The following USF3 variants were observed in gnomAD, a reference collection of about 807,000 sequenced individuals.
The protein encoded by USF3 is basic helix-loop-helix domain-containing protein USF3.
Under a neutral mutation model 157.5 loss-of-function variants are expected in USF3, and 29 were observed. That is an observed-to-expected ratio of 0.18 (90% CI 0.14 to 0.25). The LOEUF is 0.25. Ranked by LOEUF, USF3 falls within the 10% of genes least tolerant of loss-of-function variation. The pLI is 1.00. For missense variants in USF3, 2,381 were observed against 2,667.6 expected, an observed-to-expected ratio of 0.89 and a Z score of 2.37; for synonymous variants, 893 against 941.4, an observed-to-expected ratio of 0.95 and a Z score of 0.94.
chr3:113,658,602 T>C lies in USF3; in HGVS notation c.3080A>G (p.Asp1027Gly), dbSNP rs1947413964. 1 of 1,613,484 alleles carries C rather than the reference T, an allele frequency of 6.2e-7. No homozygotes were observed. ...ATTTTCTGAAGAAAAGTCAGGATGA[T>C]CCATCTGATCAGAAAGAGATGATTT... ...PQKSSLSDQM[D>G]HPDFSSENPK... Residue 1027 changes from aspartate to glycine, a missense_variant, in exon 7 of 7, where the codon GAT (aspartate) becomes GGT (glycine). Physicochemically the swap from Asp to Gly is moderately conservative, Grantham distance 94. This residue lies in a region of USF3 where 1,435 missense variants were observed against 1,550.9 expected (regional missense o/e 0.93). Transcript: ENST00000316407.
intron 1 of USF3, among the ~76,000 whole-genome samples, chr3:113,687,853 T>C (rs990913400): frequency 6.6e-6 from 1 of 152,230 alleles, no homozygotes; most frequent in Admixed American, 6.5e-5. Flanking sequence ...GCACAATACA[T>C]GCACAATGTG....
Position 113,660,983 on chromosome 3 carries a change from A to G in USF3, c.699T>C (p.Ala233=). 1 of 1,614,166 alleles carries G rather than the reference A, an allele frequency of 6.2e-7. No homozygotes were observed. Among genetic ancestry groups the G allele is most frequent in the Non-Finnish European group, 8.5e-7 (1 of 1,180,032 alleles). The change falls in exon 7 of 7, where the codon GCT becomes GCC. Residue 233 remains alanine, a synonymous_variant. Transcript: ENST00000316407. The part of the protein sequence containing the change: ...VPLCLPAAIS[A]QSILELPTSE... ...AGGTGGGAAGCTCGAGAATACTCTG[A>G]GCAGAAATGGCAGCAGGAAGACAAA...
At chr3:113,665,511 T>C (rs770291803) in intron 5 of USF3, among the ~76,000 whole-genome samples, 2 of 152,234 alleles carry the variant, frequency 1.3e-5, no homozygotes, top group Non-Finnish European at 2.9e-5. Flanking sequence ...GTCCAATACA[T>C]GCCTATATAC....
intron 5 of USF3, among the ~76,000 whole-genome samples, chr3:113,667,027 A>G (rs762718211): frequency 7.2e-5 from 11 of 152,146 alleles, no homozygotes; most frequent in Non-Finnish European, 1.6e-4. Flanking sequence ...CCTCTACTCC[A>G]GGATATATAT....
intron 5 of USF3, among the ~76,000 whole-genome samples, chr3:113,666,555 T>G (rs1947571212): frequency 7.1e-6 from 1 of 140,700 alleles, no homozygotes; most frequent in African/African-American, 2.6e-5. Context: ...GCCTGGCCCC[T>G]ACTTATTGTT....
In USF3 at chr3:113,679,042, C is replaced by CTCTCT. The variant is rs1361472294; in HGVS notation, c.-134-1646_-134-1645insAGAGA. Reference sequence around the variant, plus strand: ...CTCTCTCTCTCTCTCTCTCTCTCTCCAACTCCTGGCCTCAAGCGATCCTCC... The same window carrying CTCTCT: ...CTCTCTCTCTCTCTCTCTCTCTCTCCTCTCTAACTCCTGGCCTCAAGCGATCCTCC... On this transcript the variant is annotated intron_variant, in intron 1 of 6. Coordinates refer to ENST00000316407, the MANE Select transcript of USF3 (RefSeq NM_001009899.4). Among the ~76,000 whole-genome samples the CTCTCT allele has an allele frequency of 3.6e-3, 387 of 107,750 alleles. 1 individual carries two copies. The highest frequency in any genetic ancestry group is 6.5e-3 in the Non-Finnish European group (303 of 46,410). The allele number at this position is 107,750 out of a possible 152,430, so 70.7% of individuals were successfully genotyped here.
At chr3:113,685,440 G>C (rs919272360) in intron 1 of USF3, among the ~76,000 whole-genome samples, 1 of 152,152 alleles carries the variant, frequency 6.6e-6, no homozygotes. Context: ...CTTCAGGGTC[G>C]TGGGTTCCAT....
rs202143028 is a variant in USF3 at position 113,655,184 on chromosome 3, T to C, written c.6498A>G (p.Gln2166=). 6.8e-6 allele frequency: 11 copies of C among 1,614,200 alleles called. No individual in the cohort carries two copies. The South Asian group carries it at 8.8e-5, about 13-fold the overall frequency. ...TATCTGGGAGAAGAGGAAAACTTGG[T>C]TGAGCAAACCCAACAGGTCTGGGAG... is the stretch of plus-strand genomic sequence containing the variant. ...LSPPRPVGFA[Q]PSFPLLPDMP... is the part of the protein sequence containing the mutation. The change falls in exon 7 of 7, where the codon CAA becomes CAG. Residue 2166 remains glutamine, a synonymous_variant. Coordinates refer to ENST00000316407, the MANE Select transcript of USF3 (RefSeq NM_001009899.4).
chr3:113,675,142 TG>T (rs1707247685), intron 2 of USF3, among the ~76,000 whole-genome samples: 1 of 152,160 alleles, frequency 6.6e-6, no homozygotes, highest in African/African-American at 2.4e-5. Flanking sequence ...TGAGAAAATT[TG>T]AGTAGAAAAA....
Position 113,658,934 on chromosome 3 carries a change from T to A in USF3, c.2748A>T (p.Leu916=). 1 of 1,614,194 alleles carries A rather than the reference T, an allele frequency of 6.2e-7. No homozygotes were observed. Among genetic ancestry groups the A allele is most frequent in the Admixed American group, 1.7e-5 (1 of 60,016 alleles). ...AAKSKDSTPN[L]QQETSQDKPP... ...GTTTATCCTGAGATGTCTCTTGTTG[T>A]AGATTAGGGGTAGAATCTTTGGATT... The change falls in exon 7 of 7, where the codon CTA becomes CTT. Residue 916 remains leucine (L), a synonymous_variant. Coordinates refer to ENST00000316407, the MANE Select transcript of USF3 (RefSeq NM_001009899.4).
chr3:113,667,755 T>C (rs1312231423), intron 5 of USF3, among the ~76,000 whole-genome samples: 1 of 152,062 alleles, frequency 6.6e-6, no homozygotes, highest in Admixed American at 6.5e-5. Flanking sequence ...TAATCCTAGC[T>C]ACTCAGGAGG....
In USF3 at chr3:113,657,458, A is replaced by AT; in HGVS notation, c.4223_4224insA (p.Phe1408LeufsTer10). The AT allele has an allele frequency of 6.2e-7, 1 of 1,614,164 alleles. No individual in the cohort carries two copies. On this transcript the variant is annotated frameshift_variant, in exon 7 of 7. Coordinates refer to ENST00000316407, the MANE Select transcript of USF3 (RefSeq NM_001009899.4). LOFTEE classifies it high-confidence loss of function. ...CAGTTTGCCTCAATGCAGGAGTCAC[A>AT]AAGTTGTTACTAGGTGGAAATAATC...
At chr3:113,662,813 A>C (rs1947507523) in intron 6 of USF3, among the ~76,000 whole-genome samples, 2 of 152,216 alleles carry the variant, frequency 1.3e-5, no homozygotes, top group South Asian at 4.2e-4. Flanking sequence ...TCCTCATAAG[A>C]ACCATGAGAT....
rs367562922 is a variant in USF3, at chr3:113,670,101, G to A, written c.159+20C>T. 9 of 1,504,666 alleles carry A rather than the reference G, an allele frequency of 6.0e-6. No individual in the cohort carries two copies. The highest frequency in any genetic ancestry group is 1.1e-5 in the South Asian group (1 of 88,940). The allele number at this position is 1,504,666 out of a possible 1,614,324, so 93.2% of individuals were successfully genotyped here. A position where few individuals can be genotyped will look rare whatever the true frequency, so the allele number is the denominator to read the frequency against. ...TGTCTGTTCATAAGTAATGAATGAA[G>A]ATATGAGTAGACTTCTTACCTGCTT... On this transcript the variant is annotated intron_variant, in intron 5 of 6. Coordinates refer to ENST00000316407, the MANE Select transcript of USF3 (RefSeq NM_001009899.4).
In USF3 at chr3:113,657,320, A is replaced by G. The variant is rs763570815; in HGVS notation, c.4362T>C (p.His1454=). 4 of 1,613,746 alleles carry G rather than the reference A, an allele frequency of 2.5e-6. No homozygotes were observed. The highest frequency in any genetic ancestry group is 3.4e-6 in the Non-Finnish European group (4 of 1,179,812). The part of the protein sequence containing the change: ...HVPAQGVSHL[H]SNHLYIKQQQ... Reference sequence around the variant, plus strand: ...GCTGCTTTATGTAGAGATGGTTACTATGAAGGTGAGATACACCTTGAGCTG... The same window carrying G: ...GCTGCTTTATGTAGAGATGGTTACTGTGAAGGTGAGATACACCTTGAGCTG... The change falls in exon 7 of 7, where the codon CAT becomes CAC. Residue 1454 remains histidine, a synonymous_variant. Transcript: ENST00000316407.
At chr3:113,671,923 C>CT (rs1048642270) in intron 4 of USF3, among the ~76,000 whole-genome samples, 4 of 151,760 alleles carry the variant, frequency 2.6e-5, no homozygotes, top group African/African-American at 9.7e-5. Context: ...CATGCACTAC[C>CT]ATGCCTGGCT....
rs1947290577 is a variant in USF3, at chr3:113,652,962, TG to T, written c.*1981del. The T allele has an allele frequency of 9.3e-7, 1 of 1,077,132 alleles. No individual in the cohort carries two copies. The highest frequency in any genetic ancestry group is 1.7e-5 in the African/African-American group (1 of 60,150). 66.7% of individuals were successfully genotyped at this position (1,077,132 alleles called of 1,614,324 possible). On this transcript the variant is annotated 3_prime_UTR_variant, in exon 7 of 7. Transcript: ENST00000316407. ...TGACAAAGTGACCTTGAATATCTCC[TG>T]AGGAAGAGGAACTTGAAAAAGGAAT...
chr3:113,695,969 G>A (rs1707788405), intron 1 of USF3, among the ~76,000 whole-genome samples: 2 of 152,250 alleles, frequency 1.3e-5, no homozygotes, highest in African/African-American at 4.8e-5. Flanking sequence ...AAGGAAAGAA[G>A]GGGAATGAAG....
At position 113,665,466 on chromosome 3, in the gene USF3, T is replaced by C. The variant is rs530500500; in HGVS notation, c.160-1057A>G. On this transcript the variant is annotated intron_variant, in intron 5 of 6. Transcript: ENST00000316407. Reference sequence around the variant, plus strand: ...GTATTCCTAAGCTTTTTCAAAAAGATTGTACGTTATGTTAAAGTATTCCTT... The same window carrying C: ...GTATTCCTAAGCTTTTTCAAAAAGACTGTACGTTATGTTAAAGTATTCCTT... Among the ~76,000 whole-genome samples the C allele has an allele frequency of 3.9e-5, 6 of 152,346 alleles. No individual in the cohort carries two copies. The South Asian group carries it at 1.0e-3, about 26-fold the overall frequency.
Sources: gnomAD v4.1 joint callset for allele counts (sites outside exome capture counted in the v4.1 genomes callset) on GRCh38, gnomAD v4.1.1 for gene constraint, gnomAD v4.1.1 regional missense constraint, MANE v1.5 for transcripts, NCBI Gene and HGNC (gene_info 2026-07-23, HGNC 2026-07-21) for gene names.